PHACTR3: variants seen among roughly 807,000 people sequenced by gnomAD.
PHACTR3 encodes phosphatase and actin regulator 3, also known as protein phosphatase 1, regulatory subunit 123.
In PHACTR3, 16 loss-of-function variants were observed where a neutral mutation model predicts 66.8. The observed-to-expected ratio is 0.24, with a 90% CI of 0.16 to 0.36. The LOEUF (loss-of-function observed/expected upper bound fraction) is 0.36. Ranked by LOEUF, PHACTR3 falls within the 10% of genes least tolerant of loss-of-function variation. PHACTR3 has a pLI of 1.00. For synonymous variants in PHACTR3, 323 were observed against 292.1 expected (o/e 1.11, Z -1.08); for missense variants, 647 against 719.9 (o/e 0.90, Z 1.16).
intron 1 of PHACTR3, among the ~76,000 whole-genome samples, chr20:59,656,123 T>C (rs1043890116): frequency 1.3e-5 from 2 of 151,926 alleles, no homozygotes; most frequent in Non-Finnish European, 3.0e-5. Context: ...CTGCTGTTTC[T>C]GGGTAAAGTG....
chr20:59,814,664 C>T (rs2041836043), intron 8 of PHACTR3, among the ~76,000 whole-genome samples: 1 of 152,170 alleles, frequency 6.6e-6, no homozygotes, highest in Non-Finnish European at 1.5e-5. Flanking sequence ...ATCTTCCCTC[C>T]AGTTTCACAC....
intron 4 of PHACTR3, among the ~76,000 whole-genome samples, chr20:59,761,064 A>G (rs2039977791): frequency 6.6e-6 from 1 of 152,134 alleles, no homozygotes; most frequent in African/African-American, 2.4e-5. Flanking sequence ...ACAGGAGACA[A>G]ACATTTCTTC....
intron 7 of PHACTR3, among the ~76,000 whole-genome samples, chr20:59,781,548 TG>T (rs2040726550): frequency 6.6e-6 from 1 of 152,178 alleles, no homozygotes; most frequent in African/African-American, 2.4e-5. Flanking sequence ...CTGGCCTGTG[TG>T]GGCACATGGC....
intron 1 of PHACTR3, among the ~76,000 whole-genome samples, chr20:59,643,105 G>A (rs1427567371): frequency 1.3e-5 from 2 of 152,118 alleles, no homozygotes; most frequent in African/African-American, 4.8e-5. Context: ...TAGAGACGGG[G>A]TTTCACCATG....
intron 1 of PHACTR3, among the ~76,000 whole-genome samples, chr20:59,732,629 C>G (rs753988730): frequency 2.6e-5 from 4 of 152,098 alleles, no homozygotes; most frequent in Non-Finnish European, 5.9e-5. Flanking sequence ...CCAGAAGAAG[C>G]CATGGCCAAC....
At chr20:59,696,876 G>A (rs969344710) in intron 1 of PHACTR3, among the ~76,000 whole-genome samples, 2 of 152,196 alleles carry the variant, frequency 1.3e-5, no homozygotes, top group African/African-American at 4.8e-5. Context: ...TTGCTGCTGG[G>A]ACTTTGAGAC....
chr20:59,774,555 C>T (rs561506720), intron 7 of PHACTR3, 65 bp downstream of exon 7: 10 of 1,556,272 alleles, frequency 6.4e-6, no homozygotes, highest in East Asian at 2.3e-5. Context: ...ACCAGGGGGT[C>T]GAGGACAGAG....
intron 1 of PHACTR3, among the ~76,000 whole-genome samples, chr20:59,716,624 A>C (rs1332798814): frequency 6.6e-6 from 1 of 152,150 alleles, no homozygotes; most frequent in Non-Finnish European, 1.5e-5. Flanking sequence ...CCTGGGCTAA[A>C]GGAGATTCTC....
intron 1 of PHACTR3, among the ~76,000 whole-genome samples, chr20:59,730,708 A>T (rs2038732743): frequency 6.6e-6 from 1 of 152,180 alleles, no homozygotes; most frequent in East Asian, 1.9e-4. Context: ...TTAAAGGATC[A>T]CTTAAGCCAG....
At chr20:59,804,406 A>G (rs138521811) in intron 7 of PHACTR3, among the ~76,000 whole-genome samples, 162 of 152,340 alleles carry the variant, frequency 1.1e-3, no homozygotes, top group African/African-American at 3.7e-3. Flanking sequence ...AGCTGAAAAG[A>G]TTAAACCACG....
chr20:59,763,619 G>A (rs947033733), intron 4 of PHACTR3, among the ~76,000 whole-genome samples: 4 of 152,232 alleles, frequency 2.6e-5, no homozygotes, highest in Non-Finnish European at 5.9e-5. Flanking sequence ...GGAGCTCAGA[G>A]AAATGGTCCA....
At chr20:59,745,263 G>C (rs2039325328) in intron 2 of PHACTR3, among the ~76,000 whole-genome samples, 1 of 152,208 alleles carries the variant, frequency 6.6e-6, no homozygotes, top group African/African-American at 2.4e-5. Context: ...GACTAGAGCA[G>C]AGTGACCTCC....
intron 1 of PHACTR3, among the ~76,000 whole-genome samples, chr20:59,735,890 C>T (rs559745841): frequency 1.3e-5 from 2 of 152,280 alleles, no homozygotes; most frequent in East Asian, 1.9e-4. Flanking sequence ...TGGCCCTGCA[C>T]CAGGCATGGA....
At chr20:59,757,065 A>G (rs1009530968) in intron 4 of PHACTR3, among the ~76,000 whole-genome samples, 14 of 152,266 alleles carry the variant, frequency 9.2e-5, no homozygotes, top group African/African-American at 3.4e-4. Context: ...GACACTTCTC[A>G]AAAGAAGATA....
intron 1 of PHACTR3, among the ~76,000 whole-genome samples, chr20:59,636,971 A>G (rs1286663453): frequency 6.6e-6 from 1 of 152,216 alleles, no homozygotes; most frequent in Non-Finnish European, 1.5e-5. Context: ...CGATGGGTAC[A>G]GGCTGTTATC....
intron 1 of PHACTR3, among the ~76,000 whole-genome samples, chr20:59,622,981 C>CAAAAAAAAAAAAAAAAAAAA (rs71183177): frequency 0.021 from 680 of 32,174 alleles, 213 homozygotes; most frequent in African/African-American, 0.042. Context: ...CAGCTTTAAC[C>CAAAAAAAAAAAAAAAAAAAA]AAAAAAAAAA....
intron 5 of PHACTR3, among the ~76,000 whole-genome samples, chr20:59,772,582 T>G (rs1158363805): frequency 2.6e-5 from 4 of 151,866 alleles, no homozygotes; most frequent in African/African-American, 4.8e-5. Context: ...AAGACTCAGG[T>G]TGGACGGAGT....
chr20:59,608,619 G>A (rs1600905318), intron 1 of PHACTR3, among the ~76,000 whole-genome samples: 3 of 152,096 alleles, frequency 2.0e-5, no homozygotes, highest in African/African-American at 7.2e-5. Context: ...TGCCTCCTGG[G>A]CCTTCCTCAA....
chr20:59,588,603 T>A (rs1383801874), intron 1 of PHACTR3, among the ~76,000 whole-genome samples: 1 of 152,176 alleles, frequency 6.6e-6, no homozygotes, highest in African/African-American at 2.4e-5. Context: ...CTGAGGCCTG[T>A]CCCCATCCTC....
Sources: gnomAD v4.1 joint callset for allele counts (sites outside exome capture counted in the v4.1 genomes callset) on GRCh38, gnomAD v4.1.1 for gene constraint, MANE v1.5 for transcripts, NCBI Gene and HGNC (gene_info 2026-07-23, HGNC 2026-07-21) for gene names.